NEBL: variants seen among roughly 807,000 people sequenced by gnomAD.
The protein encoded by NEBL is nebulette, also known as LIM and SH3 protein 2.
A neutral mutation model predicts 140.2 loss-of-function variants in NEBL; 122 were observed. The ratio of observed to expected loss-of-function variants is 0.87; its 90% CI spans 0.75 to 1.01. The LOEUF (loss-of-function observed/expected upper bound fraction) is 1.01. NEBL is among the 50% of genes least tolerant of loss of function. NEBL has a pLI of 0.00. For synonymous variants in NEBL, 436 were observed against 398.9 expected (o/e 1.09, Z -1.11); for missense variants, 1,365 against 1,231.3 (o/e 1.11, Z -1.62).
At chr10:20,992,344 G>A (rs942528542) in intron 3 of NEBL, among the ~76,000 whole-genome samples, 4 of 152,064 alleles carry the variant, frequency 2.6e-5, no homozygotes, top group African/African-American at 9.7e-5. Flanking sequence ...TTTCTCAACC[G>A]CCCTTGCAGT....
At chr10:20,980,745 C>A (rs1017278985) in intron 3 of NEBL, among the ~76,000 whole-genome samples, 1 of 152,190 alleles carries the variant, frequency 6.6e-6, no homozygotes, top group Non-Finnish European at 1.5e-5. Context: ...TATCCTAGCT[C>A]CCATCTCTTC....
chr10:21,029,287 A>T lies in NEBL; in HGVS notation c.165-9086T>A, dbSNP rs1833678022. On this transcript the variant is annotated intron_variant, in intron 2 of 6. Transcript: ENST00000417816. ...CTTTCTTCCCAAATCGCCACCCTAC[A>T]CTTCTTTTCTAGGGAACCTATCCTA... 12 of 1,606,742 alleles carry T rather than the reference A, an allele frequency of 7.5e-6. No individual in the cohort carries two copies. In the Middle Eastern group the frequency reaches 1.5e-3, roughly 199 times the overall value.
At position 21,252,727 on chromosome 10, in the gene NEBL, G is replaced by A. The variant is rs150150492; in HGVS notation, n.183-899C>T. Among the ~76,000 whole-genome samples, 805 of 152,234 alleles carry A rather than the reference G, an allele frequency of 5.3e-3. 7 individuals carry two copies. Among genetic ancestry groups the A allele is most frequent in the African/African-American group, 0.018 (735 of 41,538 alleles). Reference sequence around the variant, plus strand: ...TCCTAGCACTTCGGGAGGCCAAGGCGGGCAGATCACCTGAGGTCAGGAGTT... The same window carrying A: ...TCCTAGCACTTCGGGAGGCCAAGGCAGGCAGATCACCTGAGGTCAGGAGTT... On this transcript the variant is annotated intron_variant and non_coding_transcript_variant, in intron 1 of 8. Transcript: ENST00000675702.
At chr10:21,283,104 C>T (rs1460421323) in intron 1 of NEBL, among the ~76,000 whole-genome samples, 1 of 148,604 alleles carries the variant, frequency 6.7e-6, no homozygotes, top group African/African-American at 2.5e-5. Flanking sequence ...CCACTGCACT[C>T]TAGCCTGGGC....
intron 2 of NEBL, among the ~76,000 whole-genome samples, chr10:21,128,747 A>G (rs534023006): frequency 6.6e-6 from 1 of 152,240 alleles, no homozygotes; most frequent in Non-Finnish European, 1.5e-5. Flanking sequence ...GTTAAAACAC[A>G]TTTTTTAAAA....
At chr10:21,179,030 T>C (rs1433631190), upstream of NEBL, among the ~76,000 whole-genome samples, 3 of 152,196 alleles carry the variant, frequency 2.0e-5, no homozygotes, top group Admixed American at 6.5e-5. Context: ...AAGTTAAGAA[T>C]GTTGAGACGA....
intron 2 of NEBL, among the ~76,000 whole-genome samples, chr10:21,108,103 C>CA (rs1564513934): frequency 6.6e-6 from 1 of 151,792 alleles, no homozygotes; most frequent in Non-Finnish European, 1.5e-5. Context: ...TTGATCTTTT[C>CA]AAAAAAACAG....
intron 2 of NEBL, among the ~76,000 whole-genome samples, chr10:21,110,439 T>G (rs997768760): frequency 2.6e-5 from 4 of 152,194 alleles, no homozygotes; most frequent in Non-Finnish European, 5.9e-5. Flanking sequence ...ATAGAGCTAC[T>G]CATAATATTC....
chr10:21,189,755 C>A (rs1046501207), intron 3 of NEBL, among the ~76,000 whole-genome samples: 1 of 152,202 alleles, frequency 6.6e-6, no homozygotes, highest in Non-Finnish European at 1.5e-5. Context: ...GCATGAGCCA[C>A]CGCGCCTGGC....
chr10:21,158,535 A>G (rs902504253), intron 2 of NEBL, among the ~76,000 whole-genome samples: 3 of 152,172 alleles, frequency 2.0e-5, no homozygotes, highest in African/African-American at 7.2e-5. Flanking sequence ...GGTGAGGCAA[A>G]GTAACTCAAC....
intron 3 of NEBL, among the ~76,000 whole-genome samples, chr10:20,970,771 G>A (rs1394576555): frequency 6.6e-6 from 1 of 152,196 alleles, no homozygotes; most frequent in Non-Finnish European, 1.5e-5. Context: ...GATGAAGGAA[G>A]TTTGCAGAAG....
chr10:20,852,589 C>T lies in NEBL; in HGVS notation c.964G>A (p.Val322Met). 3 of 1,613,846 alleles carry T rather than the reference C, an allele frequency of 1.9e-6. No homozygotes were observed. The highest frequency in any genetic ancestry group is 2.5e-6 in the Non-Finnish European group (3 of 1,179,930). ...TTGCCTTTATGGTGCAGATGTTCCA[C>T]AGCATCTGCATCAAAATGATACATT... ...KGMYHFDADA[V>M]EHLHHKGNAV... Residue 322 changes from valine (V) to methionine (M), a missense_variant, in exon 10 of 28, where the codon GTG (valine) becomes ATG (methionine). By Grantham distance (21) the Val-to-Met change is conservative. Coordinates refer to ENST00000377122, the MANE Select transcript of NEBL (RefSeq NM_006393.3).
intron 1 of NEBL, among the ~76,000 whole-genome samples, chr10:21,265,682 G>A (rs1453047341): frequency 1.3e-5 from 2 of 152,152 alleles, no homozygotes; most frequent in Admixed American, 1.3e-4. Context: ...TGGAACCTGG[G>A]AAACTGTATA....
chr10:21,033,329 ATAAG>A (rs1310431660), intron 2 of NEBL, among the ~76,000 whole-genome samples: 1 of 152,246 alleles, frequency 6.6e-6, no homozygotes, highest in Admixed American at 6.5e-5. Flanking sequence ...AAGATAATAA[ATAAG>A]TATCATACCT....
intron 2 of NEBL, among the ~76,000 whole-genome samples, chr10:21,108,827 G>A (rs1589241833): frequency 2.0e-5 from 3 of 152,002 alleles, no homozygotes; most frequent in Non-Finnish European, 4.4e-5. Context: ...AAGGCTTTAC[G>A]AATCTGGGTG....
chr10:21,244,659 AT>A (rs1355689580), intron 3 of NEBL, among the ~76,000 whole-genome samples: 1 of 151,780 alleles, frequency 6.6e-6, no homozygotes, highest in East Asian at 2.0e-4. Flanking sequence ...TCTCAAAAAA[AT>A]AAAATTAAAC....
intron 2 of NEBL, among the ~76,000 whole-genome samples, chr10:21,088,471 G>A (rs578044625): frequency 1.3e-5 from 2 of 152,296 alleles, no homozygotes; most frequent in South Asian, 4.2e-4. Flanking sequence ...TTGTCACGGT[G>A]AGATTCTGTC....
At chr10:21,185,487 C>CTTTTTTT (rs10612676) in intron 3 of NEBL, among the ~76,000 whole-genome samples, 3 of 72,050 alleles carry the variant, frequency 4.2e-5, no homozygotes, top group African/African-American at 7.5e-5. Flanking sequence ...ATTTTCTTTC[C>CTTTTTTT]TTTTTTTTTT....
chr10:20,828,273 T>C (rs1840079484), intron 17 of NEBL, among the ~76,000 whole-genome samples: 1 of 152,140 alleles, frequency 6.6e-6, no homozygotes. Context: ...CTTTCCTGAG[T>C]TAAATTTTAA....
Sources: allele counts gnomAD v4.1 joint callset (sites outside exome capture counted in the v4.1 genomes callset), GRCh38; gene constraint gnomAD v4.1.1; transcripts MANE v1.5; gene names NCBI Gene and HGNC (gene_info 2026-07-23, HGNC 2026-07-21).